The following CAMKMT variants were observed in gnomAD, a reference collection of about 807,000 sequenced individuals.
CAMKMT encodes the protein calmodulin-lysine N-methyltransferase, also known as CaM KMT.
In CAMKMT, 53 loss-of-function variants were observed where a neutral mutation model predicts 48.0. The ratio of observed to expected loss-of-function variants is 1.10; its 90% CI spans 0.89 to 1.39. The LOEUF is 1.39. Among genes scored for constraint, CAMKMT ranks in the 40% most tolerant of loss-of-function variants. The probability of loss-of-function intolerance (pLI) is 0.00; values close to 1 mark genes in which losing one functional copy is unlikely to be tolerated. For synonymous variants in CAMKMT, 165 were observed against 152.3 expected, an observed-to-expected ratio of 1.08 and a Z score of -0.61; for missense variants, 428 against 402.7, an observed-to-expected ratio of 1.06 and a Z score of -0.54.
intron 3 of CAMKMT, among the ~76,000 whole-genome samples, 175 bp downstream of exon 3, chr2:44,390,480 C>T (rs990138811): frequency 4.9e-5 from 7 of 144,018 alleles, no homozygotes; most frequent in Admixed American, 1.4e-4. Flanking sequence ...TAAGGTACAC[C>T]GACAAAATGG....
At chr2:44,751,159 G>A (rs902399683) in intron 8 of CAMKMT, among the ~76,000 whole-genome samples, 6 of 152,162 alleles carry the variant, frequency 3.9e-5, no homozygotes, top group African/African-American at 1.4e-4. Context: ...TTGGAAAAGG[G>A]AGAGATCACT....
chr2:44,540,187 T>G (rs1278700095), intron 3 of CAMKMT, among the ~76,000 whole-genome samples: 1 of 151,894 alleles, frequency 6.6e-6, no homozygotes, highest in Non-Finnish European at 1.5e-5. Flanking sequence ...TATGTTTTAG[T>G]ATGGATTAAT....
chr2:44,589,584 T>C (rs3964303), intron 3 of CAMKMT, among the ~76,000 whole-genome samples: 2 of 75,900 alleles, frequency 2.6e-5, no homozygotes, highest in East Asian at 2.4e-4. Flanking sequence ...TGTGACCTTA[T>C]CCCCAACCCT....
At chr2:44,522,989 C>T (rs1036409228) in intron 3 of CAMKMT, among the ~76,000 whole-genome samples, 2 of 152,146 alleles carry the variant, frequency 1.3e-5, no homozygotes, top group Non-Finnish European at 2.9e-5. Context: ...CTCCTAAGTT[C>T]CAGTAACATC....
intron 7 of CAMKMT, among the ~76,000 whole-genome samples, chr2:44,728,839 CTTTTTTTTTT>C (rs70937931): frequency 1.2e-3 from 70 of 58,314 alleles, no homozygotes; most frequent in Non-Finnish European, 2.1e-3. Context: ...GGGGTCTATC[CTTTTTTTTTT>C]TTTTTTTTTT....
In CAMKMT at chr2:44,666,937, G is replaced by A. The variant is rs548013843; in HGVS notation, c.377-37346G>A. Among the ~76,000 whole-genome samples, 3 of 152,272 alleles carry A rather than the reference G, an allele frequency of 2.0e-5. No homozygotes were observed. The East Asian group carries it at 5.8e-4, about 29-fold the overall frequency. Reference sequence around the variant, plus strand: ...TCTTAATTTGTTAAGAATCCATACAGGAGGAGAAGTAACCAATTTGCCTAC... The same window carrying A: ...TCTTAATTTGTTAAGAATCCATACAAGAGGAGAAGTAACCAATTTGCCTAC... On this transcript the variant is annotated intron_variant, in intron 3 of 10. Coordinates refer to ENST00000378494, the MANE Select transcript of CAMKMT (RefSeq NM_024766.5).
chr2:44,481,164 C>T (rs1006500512), intron 3 of CAMKMT, among the ~76,000 whole-genome samples: 1 of 152,052 alleles, frequency 6.6e-6, no homozygotes, highest in Admixed American at 6.5e-5. Flanking sequence ...TGCTGGGAAC[C>T]TCACATGCTC....
At chr2:44,690,774 G>A (rs1676603873) in intron 3 of CAMKMT, among the ~76,000 whole-genome samples, 2 of 152,086 alleles carry the variant, frequency 1.3e-5, no homozygotes, top group East Asian at 1.9e-4. Flanking sequence ...TCAGGAGTTC[G>A]AGACCAGACT....
chr2:44,390,154 A>G, intron 2 of CAMKMT, 87 bp from the exon 3 acceptor site: 1 of 925,470 alleles, frequency 1.1e-6, no homozygotes, highest in South Asian at 1.4e-5. Flanking sequence ...GGTATACCAT[A>G]ATATACAGTC....
At chr2:44,728,136 G>T (rs1177186878) in intron 7 of CAMKMT, among the ~76,000 whole-genome samples, 1 of 152,062 alleles carries the variant, frequency 6.6e-6, no homozygotes, top group African/African-American at 2.4e-5. Context: ...TTGCTGCCCA[G>T]CCTGGTCTTG....
At chr2:44,579,259 T>C (rs566711798) in intron 3 of CAMKMT, among the ~76,000 whole-genome samples, 1 of 152,090 alleles carries the variant, frequency 6.6e-6, no homozygotes, top group South Asian at 2.1e-4. Context: ...ATTTGTTACA[T>C]GAAATGTCAG....
At chr2:44,677,243 G>A (rs560295583) in intron 3 of CAMKMT, among the ~76,000 whole-genome samples, 44 of 152,320 alleles carry the variant, frequency 2.9e-4, no homozygotes, top group African/African-American at 1.1e-3. Context: ...GAGGCAGCAT[G>A]AGCTTATTCC....
chr2:44,465,036 C>T (rs1668037877), intron 3 of CAMKMT, among the ~76,000 whole-genome samples: 1 of 151,580 alleles, frequency 6.6e-6, no homozygotes, highest in Non-Finnish European at 1.5e-5. Context: ...TTTTAAATTC[C>T]AATTTAAAAG....
chr2:44,533,065 C>T (rs1010386419), intron 3 of CAMKMT, among the ~76,000 whole-genome samples: 4 of 151,780 alleles, frequency 2.6e-5, no homozygotes, highest in African/African-American at 9.7e-5. Context: ...TCACCCACTT[C>T]CACCTCCCAA....
At chr2:44,749,927 T>G (rs1159762822) in intron 8 of CAMKMT, among the ~76,000 whole-genome samples, 1 of 152,144 alleles carries the variant, frequency 6.6e-6, no homozygotes, top group Non-Finnish European at 1.5e-5. Flanking sequence ...GGGTCTGACC[T>G]GCAGCATTAG....
chr2:44,416,543 T>C (rs542197315), intron 3 of CAMKMT, among the ~76,000 whole-genome samples: 2 of 151,862 alleles, frequency 1.3e-5, no homozygotes, highest in South Asian at 2.1e-4. Context: ...CTCTTTTTTT[T>C]CCCTAATATA....
chr2:44,557,301 TC>T (rs910948208), intron 3 of CAMKMT, among the ~76,000 whole-genome samples: 3 of 152,270 alleles, frequency 2.0e-5, no homozygotes, highest in African/African-American at 7.2e-5. Flanking sequence ...CTTTTTTTTT[TC>T]CTATTTAAAA....
At chr2:44,673,506 G>GA (rs1252974778) in intron 3 of CAMKMT, among the ~76,000 whole-genome samples, 1 of 142,354 alleles carries the variant, frequency 7.0e-6, no homozygotes, top group African/African-American at 2.7e-5. Context: ...AGGAAGGAAG[G>GA]AAGGAAGGAA....
At chr2:44,637,925 C>T (rs1374661979) in intron 3 of CAMKMT, among the ~76,000 whole-genome samples, 1 of 151,864 alleles carries the variant, frequency 6.6e-6, no homozygotes, top group Non-Finnish European at 1.5e-5. Context: ...ATTAGCTGGG[C>T]ATGGTGGCAC....
Sources: allele counts gnomAD v4.1 joint callset (sites outside exome capture counted in the v4.1 genomes callset), GRCh38; gene constraint gnomAD v4.1.1; transcripts MANE v1.5; gene names NCBI Gene and HGNC (gene_info 2026-07-23, HGNC 2026-07-21).